Variants in ZNF273 observed in about 807,000 individuals in gnomAD.
The protein encoded by ZNF273 is zinc finger protein 273.
A neutral mutation model predicts 14.9 loss-of-function variants in ZNF273; 11 were observed. The ratio of observed to expected loss-of-function variants is 0.74; its 90% confidence interval spans 0.46 to 1.22. ZNF273 has a LOEUF of 1.22. ZNF273 is among the 50% of genes most tolerant of loss of function. The pLI is 0.00. For synonymous variants in ZNF273, 199 were observed against 223.9 expected, an observed-to-expected ratio of 0.89 and a Z score of 0.99; for missense variants, 577 against 660.6, an observed-to-expected ratio of 0.87 and a Z score of 1.39.
intron 1 of ZNF273, among the ~76,000 whole-genome samples, chr7:64,908,802 G>A (rs1378874903): frequency 6.6e-6 from 1 of 152,188 alleles, no homozygotes; most frequent in Admixed American, 6.5e-5. Context: ...CACTAAAGAT[G>A]ATGGTCTCCA....
chr7:64,899,761 GTT>G (rs370557127), upstream of ZNF273, among the ~76,000 whole-genome samples: 5 of 144,806 alleles, frequency 3.5e-5, no homozygotes, highest in Admixed American at 1.4e-4. Context: ...TAATTTCAAG[GTT>G]TTTTTTTTTT....
downstream of ZNF273, chr7:64,879,956 A>G (rs180854744): frequency 6.6e-6 from 1 of 152,346 alleles, no homozygotes; most frequent in Non-Finnish European, 1.5e-5. Flanking sequence ...CTCTGCCTGC[A>G]CCATTTTCCT....
chr7:64,891,987 C>T (rs762904846), downstream of ZNF273, among the ~76,000 whole-genome samples: 12 of 152,202 alleles, frequency 7.9e-5, no homozygotes, highest in Non-Finnish European at 1.3e-4. Flanking sequence ...CAGCCCAATC[C>T]ATCCCTCACC....
Position 64,928,582 on chromosome 7 carries a change from T to C in ZNF273, c.1254T>C (p.Thr418=), listed in dbSNP as rs780855503. The stretch of plus-strand genomic sequence containing the variant: ...CCTTTAAACGGTCCACAACTCTTAC[T>C]AAACATAAGAGAATTTATACTAAAG... The part of the protein sequence containing the change: ...GKAFKRSTTL[T]KHKRIYTKEK... The change falls in exon 4 of 4, where the codon ACT becomes ACC. Residue 418 remains threonine (T), a synonymous_variant. Coordinates refer to ENST00000476120, the MANE Select transcript of ZNF273 (RefSeq NM_021148.3). The C allele has an allele frequency of 6.2e-7, 1 of 1,610,598 alleles. No individual in the cohort carries two copies. Among genetic ancestry groups the C allele is most frequent in the Non-Finnish European group, 8.5e-7 (1 of 1,177,072 alleles).
chr7:64,888,292 C>T (rs1791730925), intron 1 of ZNF273: 6 of 985,280 alleles, frequency 6.1e-6, no homozygotes, highest in Non-Finnish European at 6.0e-6. Context: ...GTCCTTCCTC[C>T]TGTGAGCTCC....
upstream of ZNF273, among the ~76,000 whole-genome samples, chr7:64,898,569 A>G (rs12538078): frequency 0.035 from 5,401 of 152,344 alleles, 133 homozygotes; most frequent in Middle Eastern, 0.082. Context: ...TCATAAATCC[A>G]TATTGAGTAC....
chr7:64,892,475 AG>A (rs1198335073), downstream of ZNF273, among the ~76,000 whole-genome samples: 2 of 152,218 alleles, frequency 1.3e-5, no homozygotes, highest in African/African-American at 4.8e-5. Context: ...TCCCCAGGAC[AG>A]GGGTTCAGTG....
chr7:64,889,061 C>T, downstream of ZNF273: 1 of 986,018 alleles, frequency 1.0e-6, no homozygotes, highest in Non-Finnish European at 1.2e-6. This position sits in a 1 kb window ranked among gnomAD's most constrained non-coding sequence, Gnocchi z 4.2. Flanking sequence ...GAACGTTTCT[C>T]CTACCTAGAG....
intron 1 of ZNF273, among the ~76,000 whole-genome samples, chr7:64,904,317 T>G (rs189961034): frequency 6.6e-6 from 1 of 152,334 alleles, no homozygotes; most frequent in Non-Finnish European, 1.5e-5. Context: ...CTCGAACTCC[T>G]GAGCTCAGGC....
intron 1 of ZNF273, among the ~76,000 whole-genome samples, chr7:64,878,097 C>A (rs1791162819): frequency 6.6e-6 from 1 of 152,132 alleles, no homozygotes; most frequent in Non-Finnish European, 1.5e-5. Flanking sequence ...ACGTGGCTCA[C>A]GCACTGGAAC....
At chr7:64,907,403 T>G (rs955485860) in intron 1 of ZNF273, among the ~76,000 whole-genome samples, 2 of 152,222 alleles carry the variant, frequency 1.3e-5, no homozygotes, top group African/African-American at 4.8e-5. Context: ...CATTTGAGTT[T>G]TCCTGCGTTG....
intron 3 of ZNF273, among the ~76,000 whole-genome samples, chr7:64,894,866 A>T (rs527290209): frequency 2.9e-4 from 44 of 152,256 alleles, no homozygotes; most frequent in African/African-American, 1.0e-3. Context: ...ACGGTGGCTC[A>T]TGCTCGTAAT....
At chr7:64,882,028 C>T (rs1791273208), downstream of ZNF273, among the ~76,000 whole-genome samples, 1 of 152,124 alleles carries the variant, frequency 6.6e-6, no homozygotes, top group Non-Finnish European at 1.5e-5. Context: ...TTTCCTTTGT[C>T]GTGGTTCCTG....
chr7:64,909,980 G>C (rs1038964876), intron 1 of ZNF273, among the ~76,000 whole-genome samples: 1 of 151,558 alleles, frequency 6.6e-6, no homozygotes, highest in Non-Finnish European at 1.5e-5. Context: ...AGCCACATGT[G>C]TGTCTTCTCT....
intron 3 of ZNF273, chr7:64,924,500 C>G (rs867815446): frequency 7.8e-6 from 1 of 128,346 alleles, no homozygotes; most frequent in South Asian, 2.5e-4. Context: ...TAATGTGAGA[C>G]ACACACTCAC....
At chr7:64,884,826 C>T (rs955644448) in intron 1 of ZNF273, among the ~76,000 whole-genome samples, 15 of 152,230 alleles carry the variant, frequency 9.9e-5, no homozygotes, top group Non-Finnish European at 1.8e-4. Context: ...CAGCGGGACC[C>T]GACTAATGAG....
At chr7:64,891,613 CAG>C (rs1170062743), downstream of ZNF273, among the ~76,000 whole-genome samples, 5 of 152,294 alleles carry the variant, frequency 3.3e-5, no homozygotes, top group Non-Finnish European at 7.4e-5. Flanking sequence ...CTGGATGACT[CAG>C]AGAGAAAAAC....
chr7:64,906,967 G>C (rs1302832125), intron 1 of ZNF273, among the ~76,000 whole-genome samples: 1 of 152,070 alleles, frequency 6.6e-6, no homozygotes, highest in Non-Finnish European at 1.5e-5. Flanking sequence ...ATAGAAGGTG[G>C]GAAAATTAGA....
At chr7:64,900,516 A>T (rs555969467), upstream of ZNF273, among the ~76,000 whole-genome samples, 2 of 152,260 alleles carry the variant, frequency 1.3e-5, no homozygotes, top group Admixed American at 6.5e-5. Flanking sequence ...GGATAAGCAA[A>T]CCGGAAGCTT....
Sources: allele counts gnomAD v4.1 joint callset (sites outside exome capture counted in the v4.1 genomes callset), GRCh38; gene constraint gnomAD v4.1.1; non-coding constraint Gnocchi (gnomAD v3.1); transcripts MANE v1.5; gene names NCBI Gene and HGNC (gene_info 2026-07-23, HGNC 2026-07-21).